Variants in FGF13 observed in about 807,000 individuals in gnomAD.
FGF13 encodes the protein fibroblast growth factor homologous factor 2.
A neutral mutation model predicts 19.5 loss-of-function variants in FGF13; 2 were observed. The ratio of observed to expected loss-of-function variants is 0.10; its 90% CI spans 0.04 to 0.32. FGF13 has a LOEUF of 0.32. Among genes scored for constraint, FGF13 ranks in the 10% least tolerant of loss-of-function variants. FGF13 has a pLI of 1.00. For synonymous variants in FGF13, 72 were observed against 76.9 expected (o/e 0.94, Z 0.33); for missense variants, 113 against 192.7 (o/e 0.59, Z 2.45).
intron 1 of FGF13, among the ~76,000 whole-genome samples, chrX:138,871,171 A>G (rs2091355389): frequency 8.9e-6 from 1 of 112,591 alleles, no homozygotes; most frequent in Non-Finnish European, 1.9e-5. Context: ...TATAACAATA[A>G]CCAAATATTG....
At chrX:139,124,475 C>T (rs1435493139) in intron 1 of FGF13, among the ~76,000 whole-genome samples, 1 of 111,898 alleles carries the variant, frequency 8.9e-6, no homozygotes, top group Admixed American at 9.5e-5. Context: ...TCTCCATCCT[C>T]ATACACTACT....
Position 138,775,361 on chromosome X carries a change from GA to G in FGF13, c.218-66434del, listed in dbSNP as rs202120701. 6.0e-4 allele frequency among the ~76,000 whole-genome samples: 67 copies of G among 112,074 alleles called. No individual in the cohort carries two copies. The East Asian group carries it at 0.011, about 19-fold the overall frequency. ...ACTCACCTACTACTGATAAGGCCAG[GA>G]CAAGAAAAAGTTCATAGTTCTTGAT... On this transcript the variant is annotated intron_variant, in intron 3 of 6. Transcript: ENST00000436198.
chrX:138,622,071 G>C lies in FGF13; in HGVS notation c.*10779C>G, dbSNP rs1351622310. 9.4e-6 allele frequency: 1 copy of C among 106,244 alleles called. No individual in the cohort carries two copies. The highest frequency in any genetic ancestry group is 3.5e-5 in the African/African-American group (1 of 28,983). 8.8% of individuals were successfully genotyped at this position (106,244 alleles called of 1,213,427 possible). A position where few individuals can be genotyped will look rare whatever the true frequency, so the allele number is the denominator to read the frequency against. ...CTCAAATCTTCCAAAAAAAAAAGAA[G>C]AGTGAGGAACACTTCTAAACTCATT... On this transcript the variant is annotated 3_prime_UTR_variant, in exon 5 of 5. Coordinates refer to ENST00000315930, the MANE Select transcript of FGF13 (RefSeq NM_004114.5).
chrX:138,772,290 ATTG>A (rs1213170074), intron 3 of FGF13, among the ~76,000 whole-genome samples: 7 of 108,542 alleles, frequency 6.4e-5, no homozygotes. Flanking sequence ...TATCATCTTT[ATTG>A]TTGTTATGAT....
chrX:139,132,233 T>C (rs2083767359), intron 1 of FGF13, among the ~76,000 whole-genome samples: 1 of 112,155 alleles, frequency 8.9e-6, no homozygotes, highest in African/African-American at 3.2e-5. Flanking sequence ...AGGTGCAAGC[T>C]TAATTCATTA....
In FGF13 at chrX:138,619,544, T is replaced by C. The variant is rs2088997766; in HGVS notation, c.*13306A>G. ...CACAGTGAACATGCAACCTACAGAG[T>C]GGGAGAAAATTTTTGCAATCTATCC... On this transcript the variant is annotated 3_prime_UTR_variant, in exon 5 of 5. Transcript: ENST00000315930. The C allele has an allele frequency of 9.3e-6, 1 of 107,082 alleles. No homozygotes were observed. The highest frequency in any genetic ancestry group is 1.9e-5 in the Non-Finnish European group (1 of 51,713). The allele number at this position is 107,082 out of a possible 1,213,427, so 8.8% of individuals were successfully genotyped here.
At chrX:138,900,500 T>A (rs1488354157) in intron 1 of FGF13, among the ~76,000 whole-genome samples, 3 of 110,541 alleles carry the variant, frequency 2.7e-5, no homozygotes, top group African/African-American at 9.9e-5. Flanking sequence ...CAAAAACAGG[T>A]CCCAAATCTG....
At chrX:138,932,592 G>A (rs2091708419) in intron 1 of FGF13, among the ~76,000 whole-genome samples, 1 of 110,014 alleles carries the variant, frequency 9.1e-6, no homozygotes, top group Admixed American at 9.7e-5. Flanking sequence ...ACAGAGACCG[G>A]AGAGGGACTC....
intron 3 of FGF13, among the ~76,000 whole-genome samples, chrX:138,636,473 C>A (rs2089185820): frequency 9.0e-6 from 1 of 111,342 alleles, no homozygotes; most frequent in South Asian, 3.7e-4. Context: ...AACAAACAAA[C>A]AAAAAAACCA....
chrX:139,117,754 C>T (rs1292342868), intron 1 of FGF13, among the ~76,000 whole-genome samples: 1 of 111,876 alleles, frequency 8.9e-6, no homozygotes, highest in African/African-American at 3.3e-5. Context: ...ATACACATTA[C>T]ATCTCACAGA....
chrX:138,789,845 A>G (rs188436492), intron 3 of FGF13, among the ~76,000 whole-genome samples: 88 of 107,023 alleles, frequency 8.2e-4, no homozygotes, highest in African/African-American at 2.7e-3. Flanking sequence ...GGAGATCGAG[A>G]CCATCCTGGC....
chrX:139,010,992 A>T (rs2092125644), intron 1 of FGF13, among the ~76,000 whole-genome samples: 1 of 111,499 alleles, frequency 9.0e-6, no homozygotes, highest in African/African-American at 3.3e-5. Context: ...ATACCAAGGA[A>T]ATACAAAAGA....
intron 3 of FGF13, among the ~76,000 whole-genome samples, chrX:138,682,238 GTGTAGCTACCAC>G (rs1173994809): frequency 8.9e-6 from 1 of 112,510 alleles, no homozygotes; most frequent in African/African-American, 3.2e-5. Flanking sequence ...ACAAGGCTGT[GTGTAGCTACCAC>G]TGTAATTCTT....
At chrX:138,755,190 T>C (rs897755985) in intron 3 of FGF13, among the ~76,000 whole-genome samples, 12 of 111,992 alleles carry the variant, frequency 1.1e-4, no homozygotes, top group African/African-American at 3.9e-4. Flanking sequence ...AGGGCAGTAA[T>C]CTTCCTGGTT....
intron 3 of FGF13, among the ~76,000 whole-genome samples, chrX:138,680,911 C>T (rs891897991): frequency 9.0e-6 from 1 of 110,881 alleles, no homozygotes; most frequent in Non-Finnish European, 1.9e-5. Flanking sequence ...GTGGCTCACC[C>T]CTGTAATCCC....
chrX:139,062,306 T>C lies in FGF13; in HGVS notation c.-113+141110A>G, dbSNP rs142819630. ...GATACCCAGTTTTCCCAACAACATT[T>C]ATTAAAGACTGTCCCTTCCTCATTG... is the stretch of plus-strand genomic sequence containing the variant. On this transcript the variant is annotated intron_variant, in intron 1 of 2. Transcript: ENST00000421460. Among the ~76,000 whole-genome samples, 335 of 111,852 alleles carry C rather than the reference T, an allele frequency of 3.0e-3. 4 individuals are homozygous for C. Among genetic ancestry groups the C allele is most frequent in the African/African-American group, 0.011 (326 of 30,811 alleles).
chrX:139,123,162 T>G (rs1432345692), intron 1 of FGF13, among the ~76,000 whole-genome samples: 1 of 111,745 alleles, frequency 8.9e-6, no homozygotes, highest in Non-Finnish European at 1.9e-5. Context: ...AGTAGGACAG[T>G]GTTCCTGTTC....
At chrX:138,695,538 A>G (rs2089887184) in intron 3 of FGF13, among the ~76,000 whole-genome samples, 1 of 112,070 alleles carries the variant, frequency 8.9e-6, no homozygotes, top group Admixed American at 9.5e-5. Context: ...AAATAGGTGT[A>G]AAGTGCCAGG....
chrX:138,888,816 T>C (rs767273542), intron 1 of FGF13, among the ~76,000 whole-genome samples: 36 of 111,781 alleles, frequency 3.2e-4, no homozygotes, highest in Non-Finnish European at 6.2e-4. Context: ...CATGCCTACG[T>C]TCCAAATGAA....
Sources: gnomAD v4.1 joint callset for allele counts (sites outside exome capture counted in the v4.1 genomes callset) on GRCh38, gnomAD v4.1.1 for gene constraint, MANE v1.5 for transcripts, NCBI Gene and HGNC (gene_info 2026-07-23, HGNC 2026-07-21) for gene names.